The following SLC25A21 variants were observed in gnomAD, a reference collection of about 807,000 sequenced individuals.
SLC25A21 encodes the protein solute carrier family 25 member 21, also known as mitochondrial 2-oxodicarboxylate carrier.
SLC25A21 carries 47 observed loss-of-function variants against 43.8 expected under a neutral mutation model. The observed-to-expected ratio is 1.07, with a 90% confidence interval of 0.85 to 1.37. SLC25A21 has a LOEUF of 1.37. Among genes scored for constraint, SLC25A21 ranks in the 40% most tolerant of loss-of-function variants. The pLI, the probability that SLC25A21 is intolerant of heterozygous loss-of-function variation, is 0.00. For synonymous variants in SLC25A21, 131 were observed against 121.3 expected, an observed-to-expected ratio of 1.08 and a Z score of -0.52; for missense variants, 352 against 350.2, an observed-to-expected ratio of 1.00 and a Z score of -0.04.
intron 7 of SLC25A21, among the ~76,000 whole-genome samples, chr14:36,692,747 G>T (rs1392832477): frequency 6.6e-6 from 1 of 152,212 alleles, no homozygotes; most frequent in African/African-American, 2.4e-5. Flanking sequence ...CTGCTTCTCT[G>T]CAAAAGGCAA....
chr14:36,965,656 G>C (rs544128810), intron 1 of SLC25A21, among the ~76,000 whole-genome samples: 87 of 152,194 alleles, frequency 5.7e-4, no homozygotes, highest in Middle Eastern at 6.8e-3. Flanking sequence ...TCTGGAGTGA[G>C]TTCAATATTT....
Position 36,680,083 on chromosome 14 carries a change from CAG to C in SLC25A21, c.*573_*574del, listed in dbSNP as rs1209398485. The C allele has an allele frequency of 2.3e-6, 2 of 880,800 alleles. No individual in the cohort carries two copies. The highest frequency in any genetic ancestry group is 3.7e-5 in the African/African-American group (2 of 54,774). 54.6% of individuals were successfully genotyped at this position (880,800 alleles called of 1,614,324 possible). A position where few individuals can be genotyped will look rare whatever the true frequency, so the allele number is the denominator to read the frequency against. ...GTGCATAGTTACTAAAAAAAACCAA[CAG>C]ATTTACATTTTAACATAGTATTCAT... On this transcript the variant is annotated 3_prime_UTR_variant, in exon 10 of 10. Transcript: ENST00000331299.
chr14:36,934,725 AG>A (rs1892376808), intron 1 of SLC25A21, among the ~76,000 whole-genome samples: 1 of 32,542 alleles, frequency 3.1e-5, no homozygotes, highest in Non-Finnish European at 1.2e-4. Flanking sequence ...GAGAAAAGAG[AG>A]AGAGAGAGAG....
At chr14:36,837,719 C>A (rs537835613) in intron 2 of SLC25A21, among the ~76,000 whole-genome samples, 1 of 152,170 alleles carries the variant, frequency 6.6e-6, no homozygotes, top group Non-Finnish European at 1.5e-5. Context: ...TTCCTTGACT[C>A]TCTCAACACC....
intron 2 of SLC25A21, among the ~76,000 whole-genome samples, chr14:36,825,445 C>T (rs184582551): frequency 4.8e-4 from 73 of 152,206 alleles, no homozygotes; most frequent in Middle Eastern, 3.4e-3. Flanking sequence ...TGAATTAATC[C>T]GACCTAGTAG....
chr14:36,977,645 G>A (rs1419418150), intron 1 of SLC25A21, among the ~76,000 whole-genome samples: 1 of 152,034 alleles, frequency 6.6e-6, no homozygotes, highest in Admixed American at 6.6e-5. Context: ...CTAATGCAAG[G>A]GGGGCCTTGT....
At chr14:37,114,862 C>T (rs1457376824) in intron 1 of SLC25A21, among the ~76,000 whole-genome samples, 2 of 151,476 alleles carry the variant, frequency 1.3e-5, no homozygotes, top group African/African-American at 4.9e-5. Flanking sequence ...GATGTTTTCT[C>T]CTTGTATTCA....
chr14:36,829,336 T>C (rs1888950422), intron 2 of SLC25A21, among the ~76,000 whole-genome samples: 1 of 152,108 alleles, frequency 6.6e-6, no homozygotes, highest in Admixed American at 6.6e-5. Context: ...GGCAGGAGAA[T>C]GGGTTTGGCA....
intron 1 of SLC25A21, among the ~76,000 whole-genome samples, chr14:36,877,383 G>A (rs1162710677): frequency 6.6e-6 from 1 of 152,164 alleles, no homozygotes; most frequent in Non-Finnish European, 1.5e-5. Context: ...CACATTTCTG[G>A]TAGTAAACAG....
At chr14:37,087,449 G>A (rs1962506456) in intron 1 of SLC25A21, among the ~76,000 whole-genome samples, 1 of 152,138 alleles carries the variant, frequency 6.6e-6, no homozygotes, top group African/African-American at 2.4e-5. Context: ...CCTTTGGGAA[G>A]GCTAGTCAAG....
intron 1 of SLC25A21, among the ~76,000 whole-genome samples, chr14:36,944,954 G>A (rs1203864807): frequency 3.9e-5 from 6 of 152,094 alleles, no homozygotes; most frequent in Non-Finnish European, 7.4e-5. Context: ...AACACTGCTG[G>A]TACAGTTGCT....
chr14:36,845,123 G>A (rs529024906), intron 2 of SLC25A21, among the ~76,000 whole-genome samples: 5 of 152,176 alleles, frequency 3.3e-5, no homozygotes, highest in Admixed American at 1.3e-4. Flanking sequence ...CATGTAACAC[G>A]GTATAAAGCC....
intron 1 of SLC25A21, among the ~76,000 whole-genome samples, chr14:37,055,480 C>T (rs976963617): frequency 1.3e-5 from 2 of 152,060 alleles, no homozygotes; most frequent in East Asian, 1.9e-4. Flanking sequence ...CTTCCTTGAC[C>T]CAAGAAAGCA....
intron 1 of SLC25A21, among the ~76,000 whole-genome samples, chr14:37,056,083 A>C (rs551364165): frequency 6.6e-4 from 101 of 152,284 alleles, no homozygotes; most frequent in African/African-American, 2.4e-3. Flanking sequence ...CCTGCCAGCC[A>C]TGTGAAGATG....
intron 1 of SLC25A21, among the ~76,000 whole-genome samples, chr14:37,041,397 G>A (rs957407039): frequency 1.4e-4 from 22 of 152,072 alleles, no homozygotes; most frequent in Non-Finnish European, 1.5e-4. Flanking sequence ...GTGTATTCCC[G>A]TAGTGCCAGC....
intron 1 of SLC25A21, among the ~76,000 whole-genome samples, chr14:36,878,282 C>T (rs1025569437): frequency 6.6e-6 from 1 of 152,144 alleles, no homozygotes; most frequent in Admixed American, 6.6e-5. Flanking sequence ...TCAAATATAA[C>T]ATATTTGGTC....
intron 2 of SLC25A21, among the ~76,000 whole-genome samples, chr14:36,873,882 C>A (rs572811177): frequency 1.3e-5 from 2 of 152,204 alleles, no homozygotes; most frequent in Non-Finnish European, 2.9e-5. Flanking sequence ...AGGGCCCTCA[C>A]CAAGAACTGA....
intron 1 of SLC25A21, among the ~76,000 whole-genome samples, chr14:37,016,139 A>G (rs1566816854): frequency 6.6e-6 from 1 of 152,034 alleles, no homozygotes; most frequent in Non-Finnish European, 1.5e-5. Context: ...CTGAATGGTA[A>G]TGCCTAGGTT....
rs113875309 is a variant in SLC25A21, at chr14:36,923,510, C to A, written c.71-48506G>T. On this transcript the variant is annotated intron_variant, in intron 1 of 9. Coordinates refer to ENST00000331299, the MANE Select transcript of SLC25A21 (RefSeq NM_030631.4). ...GAATTGAAGAACAATAGAAATGATA[C>A]ATGTGAGAGTAAATGTAAAATCATT... is the stretch of plus-strand genomic sequence containing the variant. Among the ~76,000 whole-genome samples, 369 of 152,194 alleles carry A rather than the reference C, an allele frequency of 2.4e-3. 4 individuals are homozygous for A. The highest frequency in any genetic ancestry group is 8.3e-3 in the African/African-American group (345 of 41,536).
Sources: gnomAD v4.1 joint callset for allele counts (sites outside exome capture counted in the v4.1 genomes callset) on GRCh38, gnomAD v4.1.1 for gene constraint, MANE v1.5 for transcripts, NCBI Gene and HGNC (gene_info 2026-07-23, HGNC 2026-07-21) for gene names.